ZNF585B: variants seen among roughly 807,000 people sequenced by gnomAD.
The protein encoded by ZNF585B is zinc finger protein 585B.
A neutral mutation model predicts 14.0 loss-of-function variants in ZNF585B; 7 were observed. The ratio of observed to expected loss-of-function variants is 0.50; its 90% confidence interval spans 0.28 to 0.94. The LOEUF (loss-of-function observed/expected upper bound fraction) is 0.94. ZNF585B is among the 40% of genes least tolerant of loss of function. ZNF585B has a pLI of 0.09. For synonymous variants in ZNF585B, 290 were observed against 317.3 expected (o/e 0.91, Z 0.91); for missense variants, 750 against 924.4 (o/e 0.81, Z 2.45).
chr19:37,203,188 T>C (rs2145444447), intron 2 of ZNF585B, among the ~76,000 whole-genome samples: 1 of 152,294 alleles, frequency 6.6e-6, no homozygotes, highest in South Asian at 2.1e-4. Context: ...TTTTGACTCA[T>C]TCTTTTTGTA....
intron 2 of ZNF585B, among the ~76,000 whole-genome samples, chr19:37,194,568 A>G (rs576181443): frequency 1.2e-4 from 18 of 152,240 alleles, no homozygotes; most frequent in Admixed American, 1.0e-3. Context: ...AGCCAAAATC[A>G]CGCCATTGCA....
chr19:37,189,680 C>T lies in ZNF585B; in HGVS notation c.273G>A (p.Arg91=), dbSNP rs764508233. 3 of 1,613,156 alleles carry T rather than the reference C, an allele frequency of 1.9e-6. No homozygotes were observed. The highest frequency in any genetic ancestry group is 2.5e-6 in the Non-Finnish European group (3 of 1,180,016). ...ACTCACCTGGGCAGCTGTGACGTGG[C>T]CTCTCACCCTGCAGTGCCCATGGTT... ...GKEPWALQGE[R]PRHSCPGEKL... The change falls in exon 4 of 5, where the codon AGG becomes AGA. Residue 91 remains arginine, a synonymous_variant. Transcript: ENST00000532828.
chr19:37,200,387 T>G (rs1475159145), intron 2 of ZNF585B, among the ~76,000 whole-genome samples: 2 of 151,068 alleles, frequency 1.3e-5, no homozygotes, highest in Admixed American at 1.3e-4. Flanking sequence ...CTGTCTCTAC[T>G]AAAAATACAA....
At position 37,181,800 on chromosome 19, in the gene ZNF585B, AT is replaced by A. The variant is rs1972269446; in HGVS notation, c.*3426del. ...TCAATCTGAAAAGGCTGCATACTTT[AT>A]GGTTCAGAGGCAAAATTATGGAGAC... is the stretch of plus-strand genomic sequence containing the variant. On this transcript the variant is annotated 3_prime_UTR_variant, in exon 5 of 5. Coordinates refer to ENST00000532828, the MANE Select transcript of ZNF585B (RefSeq NM_152279.4). 2.6e-5 allele frequency: 4 copies of A among 152,182 alleles called. No homozygotes were observed. The highest frequency in any genetic ancestry group is 2.6e-4 in the Admixed American group (4 of 15,276). 9.4% of individuals were successfully genotyped at this position (152,182 alleles called of 1,614,324 possible). A position where few individuals can be genotyped will look rare whatever the true frequency, so the allele number is the denominator to read the frequency against.
intron 2 of ZNF585B, among the ~76,000 whole-genome samples, chr19:37,205,201 A>C (rs1397292561): frequency 6.6e-6 from 1 of 152,116 alleles, no homozygotes; most frequent in East Asian, 1.9e-4. Flanking sequence ...GTGCCCAGCC[A>C]ACTGCTGCTG....
intron 1 of ZNF585B, among the ~76,000 whole-genome samples, chr19:37,209,784 G>A (rs1346951579): frequency 7.4e-6 from 1 of 135,490 alleles, no homozygotes; most frequent in African/African-American, 2.8e-5. Flanking sequence ...GGCAAGATCT[G>A]GGCTCACCGC....
In ZNF585B at chr19:37,186,513, T is replaced by C. The variant is rs780406810; in HGVS notation, c.1024A>G (p.Ile342Val). 3.6e-5 allele frequency: 58 copies of C among 1,614,152 alleles called. No homozygotes were observed. The highest frequency in any genetic ancestry group is 4.8e-5 in the Non-Finnish European group (57 of 1,179,976). ...GKVFSNNSNL[I>V]THEKIQSREK... ...CTACTTTGAATCTTCTCATGTGTAA[T>C]GAGGTTGGAATTATTGCTGAAGACC... Residue 342 changes from isoleucine (I) to valine (V), a missense_variant, in exon 5 of 5, where the codon ATT becomes GTT. Ile to Val is a conservative substitution (Grantham distance 29, BLOSUM62 3). Coordinates refer to ENST00000532828, the MANE Select transcript of ZNF585B (RefSeq NM_152279.4).
intron 2 of ZNF585B, among the ~76,000 whole-genome samples, chr19:37,193,831 A>T (rs1418859235): frequency 6.6e-6 from 1 of 152,176 alleles, no homozygotes; most frequent in Non-Finnish European, 1.5e-5. Flanking sequence ...CATACTAACC[A>T]AATGCACCTT....
intron 2 of ZNF585B, among the ~76,000 whole-genome samples, chr19:37,202,159 C>T (rs1438667438): frequency 2.6e-5 from 4 of 151,700 alleles, no homozygotes; most frequent in Admixed American, 2.6e-4. Context: ...GGATTACAGG[C>T]GCCCGCCTAA....
Position 37,184,494 on chromosome 19 carries a change from A to AAGAAAG in ZNF585B, c.*727_*732dup, listed in dbSNP as rs1972307339. 9.6e-6 allele frequency: 1 copy of AAGAAAG among 103,908 alleles called. No homozygotes were observed. Among genetic ancestry groups the AAGAAAG allele is most frequent in the African/African-American group, 3.8e-5 (1 of 26,416 alleles). 6.4% of individuals were successfully genotyped at this position (103,908 alleles called of 1,614,324 possible). On this transcript the variant is annotated 3_prime_UTR_variant, in exon 5 of 5. Coordinates refer to ENST00000532828, the MANE Select transcript of ZNF585B (RefSeq NM_152279.4). The stretch of plus-strand genomic sequence containing the variant: ...AAAGAAAGAAAGAAAGAAAGAAAGA[A>AAGAAAG]AGAAAGAAAGAGAAAGAAAGAAAGA...
At chr19:37,188,429 T>G (rs1005279720) in intron 4 of ZNF585B, among the ~76,000 whole-genome samples, 1 of 152,070 alleles carries the variant, frequency 6.6e-6, no homozygotes. Context: ...GAGGTTGCAG[T>G]GAGCCGAGAT....
chr19:37,186,970 A>G lies in ZNF585B; in HGVS notation c.567T>C (p.Asn189=), dbSNP rs1437797018. The change falls in exon 5 of 5, where the codon AAT becomes AAC. Residue 189 remains asparagine, a synonymous_variant. Transcript: ENST00000532828. ...CTTGAAAAAAGGATTTTCCACATTC[A>G]TTGCACTTATAGGGCTTCTCTCTCA... ...THMREKPYKC[N]ECGKSFFQVS... is the part of the protein sequence containing the mutation. 2 of 1,614,142 alleles carry G rather than the reference A, an allele frequency of 1.2e-6. No homozygotes were observed. The highest frequency in any genetic ancestry group is 2.2e-5 in the South Asian group (2 of 91,072).
intron 2 of ZNF585B, among the ~76,000 whole-genome samples, chr19:37,204,750 CTT>C (rs752663616): frequency 2.0e-4 from 28 of 140,712 alleles, no homozygotes; most frequent in Admixed American, 2.1e-4. Context: ...AATTGTTTTT[CTT>C]TTTTTTTTTT....
In ZNF585B at chr19:37,183,823, T is replaced by G. The variant is rs1330513116; in HGVS notation, c.*1404A>C. ...TTATCAATTTCATATGATTTATGAT[T>G]TATCTCATATCTCATATAATGTAAG... On this transcript the variant is annotated 3_prime_UTR_variant, in exon 5 of 5. Transcript: ENST00000532828. 4 of 152,030 alleles carry G rather than the reference T, an allele frequency of 2.6e-5. No individual in the cohort carries two copies. The highest frequency in any genetic ancestry group is 9.7e-5 in the African/African-American group (4 of 41,382). The allele number at this position is 152,030 out of a possible 1,614,324, so 9.4% of individuals were successfully genotyped here.
In ZNF585B at chr19:37,181,603, T is replaced by C. The variant is rs1037655820; in HGVS notation, c.*3624A>G. On this transcript the variant is annotated 3_prime_UTR_variant, in exon 5 of 5. Transcript: ENST00000532828. The stretch of plus-strand genomic sequence containing the variant: ...GTGTTTATAGCATCTTTATTCATAA[T>C]CAACAAAACTTGGAAGCAATTAAGG... 1 of 150,664 alleles carries C rather than the reference T, an allele frequency of 6.6e-6. No homozygotes were observed. The highest frequency in any genetic ancestry group is 6.6e-5 in the Admixed American group (1 of 15,038). The allele number at this position is 150,664 out of a possible 1,614,324, so 9.3% of individuals were successfully genotyped here. A position where few individuals can be genotyped will look rare whatever the true frequency, so the allele number is the denominator to read the frequency against.
intron 2 of ZNF585B, among the ~76,000 whole-genome samples, chr19:37,193,339 C>T (rs1268154607): frequency 3.3e-5 from 5 of 151,692 alleles, no homozygotes; most frequent in Non-Finnish European, 5.9e-5. Flanking sequence ...GGCGCAGTGG[C>T]GGGCGCCTGT....
intron 2 of ZNF585B, among the ~76,000 whole-genome samples, chr19:37,201,354 A>G (rs895236463): frequency 2.6e-5 from 4 of 152,166 alleles, no homozygotes; most frequent in Middle Eastern, 3.2e-3. Context: ...ATAGGAAACT[A>G]TAGGAAAATA....
intron 1 of ZNF585B, among the ~76,000 whole-genome samples, chr19:37,209,561 A>ATTAATT (rs1972623817): frequency 6.6e-6 from 1 of 152,042 alleles, no homozygotes; most frequent in Non-Finnish European, 1.5e-5. Context: ...AATATATATA[A>ATTAATT]CATATGATTA....
intron 2 of ZNF585B, among the ~76,000 whole-genome samples, chr19:37,203,013 C>A (rs1972547296): frequency 6.6e-6 from 1 of 152,106 alleles, no homozygotes; most frequent in Admixed American, 6.6e-5. Context: ...AACTATTACT[C>A]CTGTTTTCTA....
Sources: allele counts gnomAD v4.1 joint callset (sites outside exome capture counted in the v4.1 genomes callset), GRCh38; gene constraint gnomAD v4.1.1; transcripts MANE v1.5; gene names NCBI Gene and HGNC (gene_info 2026-07-23, HGNC 2026-07-21).